The following DNAH12 variants were observed in gnomAD, a reference collection of about 807,000 sequenced individuals.
The protein encoded by DNAH12 is axonemal beta dynein heavy chain 12.
A neutral mutation model predicts 371.5 loss-of-function variants in DNAH12; 285 were observed. That is an observed-to-expected ratio of 0.77 (90% confidence interval 0.70 to 0.85). DNAH12 has a LOEUF of 0.85. DNAH12 is among the 40% of genes least tolerant of loss of function. DNAH12 has a pLI of 0.00. For missense variants in DNAH12, 3,611 were observed against 3,689.4 expected, an observed-to-expected ratio of 0.98 and a Z score of 0.55; for synonymous variants, 1,200 against 1,213.0, an observed-to-expected ratio of 0.99 and a Z score of 0.22.
chr3:57,391,451 C>T (rs2153347182), intron 45 of DNAH12, among the ~76,000 whole-genome samples: 1 of 152,308 alleles, frequency 6.6e-6, no homozygotes, highest in African/African-American at 2.4e-5. Flanking sequence ...CTTTCACCTG[C>T]CAACTGCAGA....
intron 59 of DNAH12, among the ~76,000 whole-genome samples, chr3:57,354,133 T>C (rs1483052828): frequency 6.6e-6 from 1 of 152,190 alleles, no homozygotes. Flanking sequence ...TGCCTGTCAA[T>C]CGTAGACTAG....
chr3:57,550,507 C>CATTTAT, the DNAH12 span, among the ~76,000 whole-genome samples: 1 of 151,722 alleles, frequency 6.6e-6, no homozygotes, highest in Admixed American at 6.6e-5. Context: ...TTTTTCCATA[C>CATTTAT]ATTTATTTTT....
chr3:57,344,347 G>A (rs1440559851), intron 60 of DNAH12, among the ~76,000 whole-genome samples: 2 of 152,168 alleles, frequency 1.3e-5, no homozygotes, highest in Non-Finnish European at 2.9e-5. Flanking sequence ...TGGTAGGATT[G>A]TAAACTAGTA....
At chr3:57,430,825 T>C (rs188309811) in intron 32 of DNAH12, among the ~76,000 whole-genome samples, 33 of 152,350 alleles carry the variant, frequency 2.2e-4, no homozygotes, top group Non-Finnish European at 3.4e-4. Flanking sequence ...AATTTAACAT[T>C]TGTGGATTCC....
At chr3:57,393,051 G>T (rs1406426502) in intron 44 of DNAH12, among the ~76,000 whole-genome samples, 4 of 152,130 alleles carry the variant, frequency 2.6e-5, no homozygotes, top group African/African-American at 9.7e-5. Flanking sequence ...CCATGAACTG[G>T]TAATGCACCA....
intron 13 of DNAH12, among the ~76,000 whole-genome samples, chr3:57,482,535 C>A (rs945674589): frequency 2.0e-5 from 3 of 152,022 alleles, no homozygotes; most frequent in Admixed American, 2.0e-4. Flanking sequence ...GGATCTAGAA[C>A]TAGAAATACC....
intron 41 of DNAH12, 58 bp from the exon 42 acceptor site, chr3:57,405,205 A>G: frequency 7.0e-7 from 1 of 1,433,076 alleles, no homozygotes; most frequent in Non-Finnish European, 9.2e-7. Context: ...TAAATTTAAG[A>G]AAACAAAATT....
chr3:57,336,990 A>C (rs1328056565), intron 60 of DNAH12, among the ~76,000 whole-genome samples: 1 of 152,212 alleles, frequency 6.6e-6, no homozygotes, highest in Non-Finnish European at 1.5e-5. Context: ...ACACCCAACT[A>C]TATGCTGCCT....
chr3:57,330,559 G>A (rs549877484), intron 62 of DNAH12, among the ~76,000 whole-genome samples: 8 of 117,028 alleles, frequency 6.8e-5, no homozygotes, highest in African/African-American at 2.7e-4. Context: ...TCTGGGGACT[G>A]TTGTGGGGTG....
Position 57,523,689 on chromosome 3 carries a change from T to C in DNAH12, c.253-80A>G, listed in dbSNP as rs2068528928. The C allele has an allele frequency of 4.7e-6, 6 of 1,267,000 alleles. No individual in the cohort carries two copies. The South Asian group carries it at 8.1e-5, about 17-fold the overall frequency. The allele number at this position is 1,267,000 out of a possible 1,614,324, so 78.5% of individuals were successfully genotyped here. On this transcript the variant is annotated intron_variant, in intron 3 of 73. Coordinates refer to ENST00000495027, the MANE Select transcript of DNAH12 (RefSeq NM_001366028.2). The stretch of plus-strand genomic sequence containing the variant: ...TTAAATTGTTTAAAAATTAAATATA[T>C]AGTTTAAATATATCTATTATTCCTT...
At chr3:57,416,961 C>G (rs892513618) in intron 37 of DNAH12, among the ~76,000 whole-genome samples, 11 of 151,998 alleles carry the variant, frequency 7.2e-5, no homozygotes, top group African/African-American at 2.2e-4. Flanking sequence ...TACATAAAGA[C>G]AAACACAGGC....
At chr3:57,443,380 G>A (rs2065371317) in intron 29 of DNAH12, among the ~76,000 whole-genome samples, 1 of 152,126 alleles carries the variant, frequency 6.6e-6, no homozygotes, top group Non-Finnish European at 1.5e-5. Context: ...AAAGTGCTGG[G>A]ATTATAGGTG....
chr3:57,382,974 G>A lies in DNAH12; in HGVS notation c.7861-581C>T, dbSNP rs930467462. 2.9e-3 allele frequency among the ~76,000 whole-genome samples: 439 copies of A among 152,318 alleles called. 2 individuals are homozygous for A. Among genetic ancestry groups the A allele is most frequent in the African/African-American group, 1.0e-2 (415 of 41,588 alleles). On this transcript the variant is annotated intron_variant, in intron 49 of 73. Transcript: ENST00000495027. ...CAATTAAAGTTCTGGGTGAGAATTA[G>A]ATTCCAGATCACTTGAGTGATACTA...
intron 13 of DNAH12, among the ~76,000 whole-genome samples, chr3:57,477,366 G>C (rs1445669448): frequency 6.6e-6 from 1 of 152,106 alleles, no homozygotes; most frequent in Non-Finnish European, 1.5e-5. Context: ...AGGCAGCAGA[G>C]AGGCTGGGGG....
intron 44 of DNAH12, among the ~76,000 whole-genome samples, chr3:57,392,558 G>A (rs1206564918): frequency 2.6e-5 from 4 of 151,782 alleles, no homozygotes; most frequent in Non-Finnish European, 5.9e-5. Context: ...CTCCAGCCTG[G>A]GCAACAGAGC....
chr3:57,417,275 T>C (rs1214096081), intron 37 of DNAH12, among the ~76,000 whole-genome samples: 1 of 151,758 alleles, frequency 6.6e-6, no homozygotes, highest in African/African-American at 2.4e-5. Context: ...AAAAGACAAA[T>C]ACAAAGGCCA....
At chr3:57,397,592 C>T (rs1179701329) in intron 43 of DNAH12, among the ~76,000 whole-genome samples, 2 of 152,164 alleles carry the variant, frequency 1.3e-5, no homozygotes, top group Non-Finnish European at 2.9e-5. Context: ...GCAGAAGCTG[C>T]AGTTCTACTG....
At chr3:57,516,351 C>A (rs1361949664) in intron 4 of DNAH12, among the ~76,000 whole-genome samples, 1 of 152,078 alleles carries the variant, frequency 6.6e-6, no homozygotes, top group Non-Finnish European at 1.5e-5. Flanking sequence ...CATGAGCCAC[C>A]ATGCCCGGCC....
intron 13 of DNAH12, among the ~76,000 whole-genome samples, chr3:57,476,425 GT>G (rs1434529698): frequency 6.6e-6 from 1 of 152,004 alleles, no homozygotes; most frequent in East Asian, 1.9e-4. Flanking sequence ...TTAGCCAGGC[GT>G]GGTGGCGGGT....
Sources: gnomAD v4.1 joint callset for allele counts (sites outside exome capture counted in the v4.1 genomes callset) on GRCh38, gnomAD v4.1.1 for gene constraint, MANE v1.5 for transcripts, NCBI Gene and HGNC (gene_info 2026-07-23, HGNC 2026-07-21) for gene names.